The following OTUD7A variants were observed in gnomAD, a reference collection of about 807,000 sequenced individuals.
The protein encoded by OTUD7A is OTU domain-containing protein 7A.
A neutral mutation model predicts 65.7 loss-of-function variants in OTUD7A; 12 were observed. That is an observed-to-expected ratio of 0.18 (90% CI 0.12 to 0.30). The LOEUF is 0.30. Ranked by LOEUF, OTUD7A falls within the 10% of genes least tolerant of loss-of-function variation. The pLI, the probability that OTUD7A is intolerant of heterozygous loss-of-function variation, is 1.00. For missense variants in OTUD7A, 1,148 were observed against 1,304.8 expected (o/e 0.88, Z 1.85); for synonymous variants, 641 against 586.3 (o/e 1.09, Z -1.35).
intron 1 of OTUD7A, among the ~76,000 whole-genome samples, chr15:31,857,148 C>A (rs1225081208): frequency 6.6e-6 from 1 of 152,172 alleles, no homozygotes; most frequent in Admixed American, 6.5e-5. Flanking sequence ...GACCCAGCTC[C>A]TGGCCCAAAC....
chr15:31,759,468 C>T (rs997786879), intron 1 of OTUD7A, among the ~76,000 whole-genome samples: 4 of 152,230 alleles, frequency 2.6e-5, no homozygotes, highest in African/African-American at 9.6e-5. Context: ...ACACTTTCCT[C>T]CTTCTGAGTC....
intron 1 of OTUD7A, among the ~76,000 whole-genome samples, chr15:31,779,832 G>T (rs986400318): frequency 6.6e-6 from 1 of 152,074 alleles, no homozygotes; most frequent in African/African-American, 2.4e-5. Flanking sequence ...TGGTCCTCCT[G>T]GATCTGTTGT....
chr15:31,598,897 C>T (rs1467213013), intron 3 of OTUD7A, among the ~76,000 whole-genome samples: 6 of 152,110 alleles, frequency 3.9e-5, no homozygotes, highest in Admixed American at 3.3e-4. Flanking sequence ...CAGGGAAGTT[C>T]GAACTGGGTG....
Position 31,786,840 on chromosome 15 carries a change from GTGATA to G in OTUD7A, c.-100+83662_-100+83666del, listed in dbSNP as rs1567022418. Among the ~76,000 whole-genome samples, 5 of 152,244 alleles carry G rather than the reference GTGATA, an allele frequency of 3.3e-5. No individual in the cohort carries two copies. The East Asian group carries it at 9.6e-4, about 29-fold the overall frequency. On this transcript the variant is annotated intron_variant, in intron 1 of 12. Transcript: ENST00000307050. ...CAGAGTTCTGACCCAGGACCCCGCAGTGATATCACAGACAGACTGTAACCGCCCCC... is the reference window on the plus strand; with the variant it reads ...CAGAGTTCTGACCCAGGACCCCGCAGTCACAGACAGACTGTAACCGCCCCC...
chr15:31,681,471 C>CA (rs1892715617), intron 1 of OTUD7A, among the ~76,000 whole-genome samples: 1 of 149,890 alleles, frequency 6.7e-6, no homozygotes. Context: ...TCTGGAGTCT[C>CA]AATGTTTTTC....
intron 3 of OTUD7A, among the ~76,000 whole-genome samples, chr15:31,651,618 C>T (rs1891840554): frequency 6.9e-6 from 1 of 144,190 alleles, no homozygotes; most frequent in African/African-American, 2.7e-5. Context: ...CACACACACA[C>T]AGCCCTCCTA....
intron 1 of OTUD7A, among the ~76,000 whole-genome samples, chr15:31,693,648 G>A (rs929719718): frequency 4.4e-4 from 67 of 152,264 alleles, no homozygotes; most frequent in Middle Eastern, 3.4e-3. Context: ...GACACACCGC[G>A]TGTCTGGGGC....
rs35149854 is a variant in OTUD7A, at chr15:31,675,534, CT to C, written c.-99-18458del. Among the ~76,000 whole-genome samples, 20 of 152,208 alleles carry C rather than the reference CT, an allele frequency of 1.3e-4. No homozygotes were observed. In the South Asian group the frequency reaches 3.5e-3, roughly 27 times the overall value. On this transcript the variant is annotated intron_variant, in intron 1 of 12. Transcript: ENST00000307050. Reference sequence around the variant, plus strand: ...GAAACAAACCAGGAATAGAAGGAACCTTTTTTTCTACTTATTAAATGATATT... The same window carrying C: ...GAAACAAACCAGGAATAGAAGGAACCTTTTTTCTACTTATTAAATGATATT...
intron 1 of OTUD7A, among the ~76,000 whole-genome samples, chr15:31,777,267 A>G (rs765684941): frequency 5.9e-4 from 90 of 152,110 alleles, no homozygotes; most frequent in Non-Finnish European, 1.2e-3. Context: ...CTCATTCCAC[A>G]TGACCTTATC....
At chr15:31,693,978 G>C (rs1595711973) in intron 1 of OTUD7A, among the ~76,000 whole-genome samples, 1 of 152,216 alleles carries the variant, frequency 6.6e-6, no homozygotes, top group East Asian at 1.9e-4. Flanking sequence ...GCTCTAAGCT[G>C]ACACTATTGT....
intron 1 of OTUD7A, among the ~76,000 whole-genome samples, chr15:31,815,431 G>A (rs1397061989): frequency 1.3e-5 from 2 of 152,206 alleles, no homozygotes; most frequent in African/African-American, 4.8e-5. Flanking sequence ...AAGGGTGGCT[G>A]GGGTGATGTA....
intron 1 of OTUD7A, among the ~76,000 whole-genome samples, chr15:31,762,927 GCAAAAGCAGA>G (rs1245709883): frequency 6.6e-6 from 1 of 151,908 alleles, no homozygotes; most frequent in Admixed American, 6.6e-5. Context: ...AAAAATATTG[GCAAAAGCAGA>G]CAAAAGCAGC....
intron 1 of OTUD7A, among the ~76,000 whole-genome samples, chr15:31,685,645 C>T (rs562369151): frequency 4.6e-5 from 7 of 152,294 alleles, no homozygotes; most frequent in East Asian, 1.9e-4. Flanking sequence ...GGCGACAGAG[C>T]GAGACTCCGT....
chr15:31,638,586 G>A (rs1891414210), intron 3 of OTUD7A, among the ~76,000 whole-genome samples: 2 of 149,486 alleles, frequency 1.3e-5, no homozygotes, highest in South Asian at 2.1e-4. Context: ...CAATAGAGAC[G>A]AGGTCTCACC....
chr15:31,778,466 G>A (rs575701349), intron 1 of OTUD7A, among the ~76,000 whole-genome samples: 3 of 152,176 alleles, frequency 2.0e-5, no homozygotes, highest in Non-Finnish European at 4.4e-5. Context: ...TTTACCTAAC[G>A]AAATAGCACA....
chr15:31,841,788 T>C (rs527479861), intron 1 of OTUD7A, among the ~76,000 whole-genome samples: 1 of 152,186 alleles, frequency 6.6e-6, no homozygotes, highest in African/African-American at 2.4e-5. Context: ...GGAAACCTTA[T>C]TCTAGCTTCT....
At chr15:31,627,323 G>C (rs1293143549) in intron 3 of OTUD7A, among the ~76,000 whole-genome samples, 4 of 141,246 alleles carry the variant, frequency 2.8e-5, no homozygotes, top group Admixed American at 1.6e-4. Context: ...TCCCACCTAT[G>C]AGTGAGAACA....
intron 3 of OTUD7A, among the ~76,000 whole-genome samples, chr15:31,574,754 G>C (rs561023228): frequency 1.6e-4 from 24 of 152,288 alleles, no homozygotes; most frequent in South Asian, 6.2e-4. Context: ...CAAATTCCTA[G>C]AGATGACAAA....
intron 3 of OTUD7A, among the ~76,000 whole-genome samples, chr15:31,627,149 T>C (rs1890984669): frequency 1.3e-5 from 2 of 152,008 alleles, no homozygotes; most frequent in Admixed American, 1.3e-4. Flanking sequence ...TGCAGGTTTG[T>C]TACACATGTA....
Sources: gnomAD v4.1 joint callset for allele counts (sites outside exome capture counted in the v4.1 genomes callset) on GRCh38, gnomAD v4.1.1 for gene constraint, MANE v1.5 for transcripts, NCBI Gene and HGNC (gene_info 2026-07-23, HGNC 2026-07-21) for gene names.